The following UGT2B4 variants were observed in gnomAD, a reference collection of about 807,000 sequenced individuals.
UGT2B4 encodes UDP glucuronosyltransferase family 2 member B4.
UGT2B4 carries 49 observed loss-of-function variants against 49.8 expected under a neutral mutation model. That is an observed-to-expected ratio of 0.98 (90% confidence interval 0.78 to 1.25). The LOEUF is 1.25. Ranked by LOEUF, UGT2B4 falls within the 50% of genes most tolerant of loss-of-function variation. The probability of loss-of-function intolerance (pLI) is 0.00; values close to 1 mark genes in which losing one functional copy is unlikely to be tolerated. For synonymous variants in UGT2B4, 246 were observed against 217.7 expected, an observed-to-expected ratio of 1.13 and a Z score of -1.14; for missense variants, 729 against 627.7, an observed-to-expected ratio of 1.16 and a Z score of -1.73.
intron 5 of UGT2B4, among the ~76,000 whole-genome samples, chr4:69,482,114 A>G (rs985713150): frequency 1.3e-5 from 2 of 152,028 alleles, no homozygotes; most frequent in Admixed American, 1.3e-4. Flanking sequence ...CATCTTACAC[A>G]TTGCGTCCCC....
chr4:69,518,796 C>T (rs1157623192), intron 1 of UGT2B4, among the ~76,000 whole-genome samples: 2 of 152,106 alleles, frequency 1.3e-5, no homozygotes, highest in Admixed American at 1.3e-4. Context: ...CTCACTTTGA[C>T]TACCCAATGA....
At position 69,491,119 on chromosome 4, in the gene UGT2B4, A is replaced by G. The variant is rs890646132; in HGVS notation, c.871-1549T>C. Among the ~76,000 whole-genome samples the G allele has an allele frequency of 9.2e-5, 14 of 152,164 alleles. No homozygotes were observed. The South Asian group carries it at 1.7e-3, about 18-fold the overall frequency. ...TCATCATGGCTTTTGTTCTATCTTT[A>G]TAGTTCAATGTACACTTGTGACGTT... On this transcript the variant is annotated intron_variant, in intron 2 of 5. Transcript: ENST00000305107.
upstream of UGT2B4, among the ~76,000 whole-genome samples, chr4:69,498,982 T>C (rs1728234039): frequency 6.6e-6 from 1 of 152,146 alleles, no homozygotes; most frequent in Non-Finnish European, 1.5e-5. Flanking sequence ...ACTGTCAAGC[T>C]TTTTGATGTG....
chr4:69,487,424 C>A (rs1284220580), intron 3 of UGT2B4, among the ~76,000 whole-genome samples: 4 of 151,978 alleles, frequency 2.6e-5, no homozygotes, highest in African/African-American at 9.7e-5. Context: ...TAAAAAAGAA[C>A]AAGATCATGT....
chr4:69,480,690 A>T lies in UGT2B4; in HGVS notation c.1531T>A (p.Cys511Ser). The change falls in exon 6 of 6, where the codon TGT becomes AGT. Residue 511 changes from cysteine (C) to serine (S), a missense_variant. Physicochemically the swap from Cys to Ser is moderately radical, Grantham distance 112. Coordinates refer to ENST00000305107, the MANE Select transcript of UGT2B4 (RefSeq NM_021139.3). ...ACAAACTTCCAGACACAAAACAGAC[A>T]TTTTGTGATGATGAATATCACAGTT... is the stretch of plus-strand genomic sequence containing the variant. The part of the protein sequence containing the change: ...VATVIFIITK[C>S]LFCVWKFVRT... 6.2e-7 allele frequency: 1 copy of T among 1,614,042 alleles called. No individual in the cohort carries two copies.
At chr4:69,525,965 G>T (rs959398486) in exon 1 of UGT2B4, 3 of 196,366 alleles carry the variant, frequency 1.5e-5, no homozygotes, top group Non-Finnish European at 3.2e-5. Flanking sequence ...GCCAGGCTTG[G>T]TGGCCGGCGC....
In UGT2B4 at chr4:69,495,246, T is replaced by G. The variant is rs1296237125; in HGVS notation, c.616A>C (p.Thr206Pro). 2.5e-6 allele frequency: 4 copies of G among 1,612,348 alleles called. No homozygotes were observed. In the Admixed American group the frequency reaches 5.0e-5, roughly 20 times the overall value. The change falls in exon 1 of 6, where the codon ACT becomes CCT. Residue 206 changes from threonine to proline, a missense_variant. Transcript: ENST00000305107. ...VVMSELSDQM[T>P]FIERVKNMIY... ...ATATTTTTTACCCTCTCTATGAAAG[T>G]CATTTGGTCACTTAGTTCTGACATA...
Position 69,485,342 on chromosome 4 carries a change from G to A in UGT2B4, c.1176C>T (p.Gly392=), listed in dbSNP as rs138447267. 3.1e-5 allele frequency: 50 copies of A among 1,614,002 alleles called. No individual in the cohort carries two copies. Among genetic ancestry groups the A allele is most frequent in the African/African-American group, 1.9e-4 (14 of 75,038 alleles). ...CAGGTTGATCTGCAAACAATGGAAC[G>A]CCCACCATAGGGATTCCATGGTAGA... The part of the protein sequence containing the change: ...EAIYHGIPMV[G]VPLFADQPDN... Residue 392 remains glycine, a synonymous_variant, in exon 5 of 6, where the codon GGC becomes GGT. Transcript: ENST00000305107.
intron 2 of UGT2B4, among the ~76,000 whole-genome samples, chr4:69,490,166 G>A (rs919568984): frequency 3.3e-5 from 5 of 152,114 alleles, no homozygotes; most frequent in African/African-American, 4.8e-5. Flanking sequence ...GTAAAAGGTG[G>A]TGGTTAAGAA....
intron 1 of UGT2B4, among the ~76,000 whole-genome samples, chr4:69,501,525 G>A (rs555788490): frequency 6.6e-6 from 1 of 152,218 alleles, no homozygotes; most frequent in South Asian, 2.1e-4. Context: ...TGACTGGGGT[G>A]AAAGTGATAG....
intron 5 of UGT2B4, 67 bp downstream of exon 5, chr4:69,485,141 T>G: frequency 6.5e-7 from 1 of 1,547,212 alleles, no homozygotes. Flanking sequence ...AGGATAAAAG[T>G]CATACTCACT....
intron 1 of UGT2B4, among the ~76,000 whole-genome samples, chr4:69,509,696 G>T (rs1409871256): frequency 2.0e-5 from 3 of 151,850 alleles, no homozygotes; most frequent in Non-Finnish European, 4.4e-5. Context: ...TTATTAATTA[G>T]GGTTTCTTTT....
At chr4:69,521,187 G>T (rs977674720) in intron 1 of UGT2B4, among the ~76,000 whole-genome samples, 2 of 152,144 alleles carry the variant, frequency 1.3e-5, no homozygotes, top group Admixed American at 1.3e-4. Context: ...ATTCTTCCTG[G>T]ACATGGGACA....
upstream of UGT2B4, among the ~76,000 whole-genome samples, chr4:69,497,326 G>A (rs762925820): frequency 1.3e-5 from 2 of 152,082 alleles, no homozygotes; most frequent in Non-Finnish European, 2.9e-5. Context: ...CAATTTTTCA[G>A]TCCATCACCC....
intron 1 of UGT2B4, among the ~76,000 whole-genome samples, chr4:69,525,308 A>G (rs966797933): frequency 6.6e-6 from 1 of 152,156 alleles, no homozygotes; most frequent in Non-Finnish European, 1.5e-5. Context: ...TGATAATAGT[A>G]AATGTGAAGA....
intron 2 of UGT2B4, 131 bp downstream of exon 2, chr4:69,493,545 TATCAACATGTACGTCAG>T: frequency 1.1e-6 from 1 of 888,380 alleles, no homozygotes. Flanking sequence ...CTTGTGATAG[TATCAACATGTACGTCAG>T]TTTCTAATTG....
chr4:69,485,110 C>G (rs111342900), intron 5 of UGT2B4, 98 bp downstream of exon 5: 1 of 1,402,198 alleles, frequency 7.1e-7, no homozygotes, highest in Non-Finnish European at 9.8e-7. Flanking sequence ...TAAATTCTTT[C>G]GAAATCAGTC....
At position 69,486,643 on chromosome 4, in the gene UGT2B4, C is replaced by A. The variant is rs1480296993; in HGVS notation, c.1056G>T (p.Arg352=). 1.9e-6 allele frequency: 3 copies of A among 1,608,720 alleles called. No homozygotes were observed. Among genetic ancestry groups the A allele is most frequent in the African/African-American group, 1.3e-5 (1 of 74,682 alleles). The change falls in exon 4 of 6, where the codon CGG becomes CGT. Residue 352 remains arginine (R), a synonymous_variant. Coordinates refer to ENST00000305107, the MANE Select transcript of UGT2B4 (RefSeq NM_021139.3). Reference sequence around the variant, plus strand: ...CATTCTGGGGTATCCACTTGTACAGCCGAGTATTGAGTCCTAAAGTATCTG... The same window carrying A: ...CATTCTGGGGTATCCACTTGTACAGACGAGTATTGAGTCCTAAAGTATCTG... ...NKPDTLGLNT[R]LYKWIPQNDL...
intron 1 of UGT2B4, among the ~76,000 whole-genome samples, chr4:69,524,968 G>T (rs1416927285): frequency 5.9e-5 from 9 of 152,244 alleles, no homozygotes; most frequent in African/African-American, 1.9e-4. Flanking sequence ...AAAAGGTCAT[G>T]GTATTTAGAA....
Sources: allele counts gnomAD v4.1 joint callset (sites outside exome capture counted in the v4.1 genomes callset), GRCh38; gene constraint gnomAD v4.1.1; transcripts MANE v1.5; gene names NCBI Gene and HGNC (gene_info 2026-07-23, HGNC 2026-07-21).